The following TRPC1 variants were observed in gnomAD, a reference collection of about 807,000 sequenced individuals.
TRPC1 encodes short transient receptor potential channel 1.
Under a neutral mutation model 88.2 loss-of-function variants are expected in TRPC1, and 42 were observed. The observed-to-expected ratio is 0.48, with a 90% confidence interval of 0.37 to 0.62. TRPC1 has a LOEUF of 0.62. Ranked by LOEUF, TRPC1 falls within the 20% of genes least tolerant of loss-of-function variation. TRPC1 has a pLI of 0.00. For missense variants in TRPC1, 699 were observed against 957.3 expected, an observed-to-expected ratio of 0.73 and a Z score of 3.56; for synonymous variants, 288 against 331.8, an observed-to-expected ratio of 0.87 and a Z score of 1.43.
Position 142,776,693 on chromosome 3 carries a change from A to G in TRPC1, c.633-939A>G, listed in dbSNP as rs1225784898. Among the ~76,000 whole-genome samples, 1 of 150,886 alleles carries G rather than the reference A, an allele frequency of 6.6e-6. No homozygotes were observed. The highest frequency in any genetic ancestry group is 1.5e-5 in the Non-Finnish European group (1 of 67,686). On this transcript the variant is annotated intron_variant, in intron 4 of 12. Coordinates refer to ENST00000476941, the MANE Select transcript of TRPC1 (RefSeq NM_001251845.2). This position sits in a 1 kb window ranked among gnomAD's most constrained non-coding sequence, Gnocchi z 4.1. ...GCCGAGGTGGCTGGATCACAAGGTCAGGAGATCGAGACGATCCTGGCCAAC... is the reference window on the plus strand; with the variant it reads ...GCCGAGGTGGCTGGATCACAAGGTCGGGAGATCGAGACGATCCTGGCCAAC...
At chr3:142,766,843 A>G (rs755725211) in intron 4 of TRPC1, among the ~76,000 whole-genome samples, 1 of 152,206 alleles carries the variant, frequency 6.6e-6, no homozygotes, top group African/African-American at 2.4e-5. Context: ...TCCTTTATAT[A>G]TATCTATTCC....
At chr3:142,795,580 A>G (rs1309096223) in intron 9 of TRPC1, among the ~76,000 whole-genome samples, 1 of 146,620 alleles carries the variant, frequency 6.8e-6, no homozygotes, top group African/African-American at 2.5e-5. Context: ...GCACTGAAAG[A>G]AAAAAAAAAC....
chr3:142,781,634 C>T (rs1312589001), intron 6 of TRPC1, among the ~76,000 whole-genome samples: 2 of 151,990 alleles, frequency 1.3e-5, no homozygotes, highest in African/African-American at 4.8e-5. Flanking sequence ...ATTTCTACTC[C>T]CCATGCATAC....
chr3:142,767,893 G>A lies in TRPC1; in HGVS notation c.633-9739G>A, dbSNP rs1050260462. On this transcript the variant is annotated intron_variant, in intron 4 of 12. Coordinates refer to ENST00000476941, the MANE Select transcript of TRPC1 (RefSeq NM_001251845.2). The surrounding 1 kb of genome is among the most constrained non-coding windows in gnomAD (Gnocchi z 5.1). ...TAATTGGTTATCTGATTTTTTTATT[G>A]ATGAATTGTGTGTGTATGTTTTTTT... 2.7e-5 allele frequency among the ~76,000 whole-genome samples: 4 copies of A among 147,298 alleles called. No individual in the cohort carries two copies. The highest frequency in any genetic ancestry group is 1.1e-4 in the African/African-American group (4 of 38,064).
intron 9 of TRPC1, among the ~76,000 whole-genome samples, chr3:142,800,498 G>A (rs75015919): frequency 0.016 from 2,376 of 152,240 alleles, 22 homozygotes; most frequent in Non-Finnish European, 0.022. Context: ...CTGAAAGCGG[G>A]ATGTGCTATG....
chr3:142,734,792 A>AT (rs1458754209), intron 1 of TRPC1, among the ~76,000 whole-genome samples: 2 of 152,130 alleles, frequency 1.3e-5, no homozygotes, highest in Non-Finnish European at 2.9e-5. Flanking sequence ...AAAAATAAAA[A>AT]AAAAAATTGA....
At chr3:142,733,766 A>G (rs980667893) in intron 1 of TRPC1, among the ~76,000 whole-genome samples, 1 of 152,222 alleles carries the variant, frequency 6.6e-6, no homozygotes, top group African/African-American at 2.4e-5. Context: ...AAATATAATG[A>G]ACATCCAGTT....
At chr3:142,732,966 CT>C (rs59126201) in intron 1 of TRPC1, among the ~76,000 whole-genome samples, 15,200 of 143,966 alleles carry the variant, frequency 0.11, 2,324 homozygotes, top group African/African-American at 0.34. Context: ...GTGTTCTGGT[CT>C]TTTTTTTTTT....
chr3:142,733,497 G>A (rs1258499755), intron 1 of TRPC1, among the ~76,000 whole-genome samples: 4 of 152,192 alleles, frequency 2.6e-5, no homozygotes, highest in Non-Finnish European at 5.9e-5. Flanking sequence ...CTGGGTGACA[G>A]AGTGAGTCTC....
intron 4 of TRPC1, among the ~76,000 whole-genome samples, chr3:142,775,688 A>G (rs1383069348): frequency 6.6e-6 from 1 of 152,208 alleles, no homozygotes; most frequent in Non-Finnish European, 1.5e-5. Flanking sequence ...GAAATCTTAC[A>G]AATTGACTAA....
intron 12 of TRPC1, 109 bp downstream of exon 12, chr3:142,804,739 A>C: frequency 1.2e-6 from 1 of 840,482 alleles, no homozygotes; most frequent in East Asian, 3.3e-5. Context: ...TGACTGTCTG[A>C]CTTTTTTTCA....
chr3:142,791,420 G>A (rs913081198), intron 8 of TRPC1, among the ~76,000 whole-genome samples: 1 of 151,996 alleles, frequency 6.6e-6, no homozygotes, highest in African/African-American at 2.4e-5. Context: ...TCTACACTGG[G>A]ATTCTTTGAG....
chr3:142,793,178 G>A (rs1174375079), intron 9 of TRPC1, among the ~76,000 whole-genome samples: 1 of 151,880 alleles, frequency 6.6e-6, no homozygotes, highest in Admixed American at 6.6e-5. Context: ...AGTTAATTAT[G>A]CTGTGGTCCA....
At position 142,781,039 on chromosome 3, in the gene TRPC1, T is replaced by C. The variant is rs763824357; in HGVS notation, c.960+10T>C. The C allele has an allele frequency of 2.5e-6, 4 of 1,597,534 alleles. No individual in the cohort carries two copies. The South Asian group carries it at 4.6e-5, about 18-fold the overall frequency. On this transcript the variant is annotated intron_variant, in intron 6 of 12. Coordinates refer to ENST00000476941, the MANE Select transcript of TRPC1 (RefSeq NM_001251845.2). ...ATATAACCAGAAAGAGGTATGAGGC[T>C]TTCTGTAATATATTTAAATTATTTT...
chr3:142,762,114 C>A (rs1486982529), intron 4 of TRPC1, among the ~76,000 whole-genome samples: 2 of 152,140 alleles, frequency 1.3e-5, no homozygotes, highest in African/African-American at 4.8e-5. Flanking sequence ...CAGCTCACCG[C>A]AGCCTTGACC....
Position 142,784,842 on chromosome 3 carries a change from T to G in TRPC1, c.1099T>G (p.Cys367Gly), listed in dbSNP as rs1936081400. The G allele has an allele frequency of 6.2e-7, 1 of 1,614,088 alleles. No homozygotes were observed. Among genetic ancestry groups the G allele is most frequent in the African/African-American group, 1.3e-5 (1 of 74,948 alleles). ...CATCTTTTGGCCAGTTTTGTCACTT[T>G]GTTATTTGATAGCTCCCAAATCTCA... ...VGIFWPVLSL[C>G]YLIAPKSQFG... Residue 367 changes from cysteine (C) to glycine (G), a missense_variant, in exon 7 of 13, where the codon TGT becomes GGT. By Grantham distance (159) the Cys-to-Gly change is radical (BLOSUM62 -3). Coordinates refer to ENST00000476941, the MANE Select transcript of TRPC1 (RefSeq NM_001251845.2).
At chr3:142,735,579 C>A (rs1208783670) in intron 1 of TRPC1, among the ~76,000 whole-genome samples, 1 of 152,134 alleles carries the variant, frequency 6.6e-6, no homozygotes, top group Non-Finnish European at 1.5e-5. Context: ...TACAGTGGGG[C>A]CTTGCTGAAA....
rs1269524917 is a variant in TRPC1, at chr3:142,807,694, C to G, written c.*1459C>G. On this transcript the variant is annotated 3_prime_UTR_variant, in exon 13 of 13. Coordinates refer to ENST00000476941, the MANE Select transcript of TRPC1 (RefSeq NM_001251845.2). ...TTTATTGTAAAGTTATATATTTTGT[C>G]TACGATGGGATTATGCACTTCCCAA... The G allele has an allele frequency of 1.3e-5, 2 of 152,072 alleles. No homozygotes were observed. The highest frequency in any genetic ancestry group is 3.8e-4 in the East Asian group (2 of 5,202). The allele number at this position is 152,072 out of a possible 1,614,324, so 9.4% of individuals were successfully genotyped here.
At position 142,732,114 on chromosome 3, in the gene TRPC1, T is replaced by C. The variant is rs553988864; in HGVS notation, c.173-4265T>C. On this transcript the variant is annotated intron_variant, in intron 1 of 12. Coordinates refer to ENST00000476941, the MANE Select transcript of TRPC1 (RefSeq NM_001251845.2). The stretch of plus-strand genomic sequence containing the variant: ...TATTAGTAAGTAATATAAGTTGCAA[T>C]AGGGAAAAGAGTAAACAAGGAAGGG... Among the ~76,000 whole-genome samples the C allele has an allele frequency of 1.9e-4, 29 of 152,160 alleles. No homozygotes were observed. In the South Asian group the frequency reaches 4.6e-3, roughly 24 times the overall value.
Sources: gnomAD v4.1 joint callset for allele counts (sites outside exome capture counted in the v4.1 genomes callset) on GRCh38, gnomAD v4.1.1 for gene constraint, Gnocchi (gnomAD v3.1) non-coding constraint, MANE v1.5 for transcripts, NCBI Gene and HGNC (gene_info 2026-07-23, HGNC 2026-07-21) for gene names.